The following NOL4L variants were observed in gnomAD, a reference collection of about 807,000 sequenced individuals.
NOL4L encodes nucleolar protein 4-like.
A neutral mutation model predicts 64.5 loss-of-function variants in NOL4L; 7 were observed. The observed-to-expected ratio is 0.11, with a 90% CI of 0.06 to 0.20. The LOEUF (loss-of-function observed/expected upper bound fraction) is 0.20, where lower values mean the gene tolerates loss of function less well. Among genes scored for constraint, NOL4L ranks in the 10% least tolerant of loss-of-function variants. NOL4L has a pLI of 1.00. For missense variants in NOL4L, 680 were observed against 967.1 expected (o/e 0.70, Z 3.94); for synonymous variants, 413 against 401.0 (o/e 1.03, Z -0.36).
intron 1 of NOL4L, among the ~76,000 whole-genome samples, chr20:32,546,101 C>T (rs1254432921): frequency 6.6e-6 from 1 of 151,952 alleles, no homozygotes; most frequent in East Asian, 1.9e-4. Flanking sequence ...GCAGGCACCA[C>T]CATGCCCGGC....
chr20:32,518,111 TG>T (rs1308462469), intron 3 of NOL4L, among the ~76,000 whole-genome samples: 2 of 152,172 alleles, frequency 1.3e-5, no homozygotes, highest in Non-Finnish European at 2.9e-5. Flanking sequence ...TGCCCTTCCA[TG>T]AGCCACTTCC....
chr20:32,542,984 G>T (rs530392136), intron 1 of NOL4L, among the ~76,000 whole-genome samples: 94 of 152,150 alleles, frequency 6.2e-4, no homozygotes, highest in Non-Finnish European at 1.2e-3. Flanking sequence ...GCACACAGCC[G>T]TTCTCGATAA....
At chr20:32,534,689 C>A (rs867389119) in intron 1 of NOL4L, among the ~76,000 whole-genome samples, 2 of 151,772 alleles carry the variant, frequency 1.3e-5, no homozygotes, top group South Asian at 4.2e-4. Context: ...CCACTCCCCC[C>A]ACCCCCCGCC....
chr20:32,449,139 A>G (rs970589879), intron 10 of NOL4L, among the ~76,000 whole-genome samples: 17 of 152,244 alleles, frequency 1.1e-4, no homozygotes, highest in African/African-American at 4.1e-4. Context: ...CAGCCAAAGA[A>G]GAGAGAATCT....
chr20:32,541,865 G>A (rs1025318029), intron 1 of NOL4L, among the ~76,000 whole-genome samples: 11 of 152,246 alleles, frequency 7.2e-5, no homozygotes, highest in African/African-American at 2.2e-4. Flanking sequence ...CTTTTCAATG[G>A]GGGTTTTGTC....
chr20:32,550,310 G>C (rs531099760), intron 1 of NOL4L, among the ~76,000 whole-genome samples: 1 of 152,300 alleles, frequency 6.6e-6, no homozygotes, highest in Admixed American at 6.5e-5. Flanking sequence ...GCAATGGTGC[G>C]ATCTCAGCTC....
At chr20:32,555,198 C>T (rs924087177) in intron 1 of NOL4L, among the ~76,000 whole-genome samples, 1 of 152,186 alleles carries the variant, frequency 6.6e-6, no homozygotes, top group Admixed American at 6.5e-5. Flanking sequence ...GATCTTCAGG[C>T]CTCAGCTCGA....
chr20:32,485,069 A>AAAAAC (rs2016008112), intron 4 of NOL4L, among the ~76,000 whole-genome samples: 1 of 144,690 alleles, frequency 6.9e-6, no homozygotes, highest in Non-Finnish European at 1.5e-5. Flanking sequence ...AAAAAAAAAA[A>AAAAAC]AAAAAAAAAA....
intron 4 of NOL4L, chr20:32,510,209 GAC>G (rs2017335089): frequency 8.4e-6 from 3 of 356,130 alleles, no homozygotes; most frequent in Non-Finnish European, 1.7e-5. Context: ...AGACGTGGGA[GAC>G]ACAGTTCTAG....
At chr20:32,550,620 G>A (rs773637554) in intron 1 of NOL4L, among the ~76,000 whole-genome samples, 5 of 152,154 alleles carry the variant, frequency 3.3e-5, no homozygotes, top group African/African-American at 7.2e-5. Flanking sequence ...AGTGGCTCAC[G>A]CCTATAATCC....
At chr20:32,497,705 T>C (rs967242293) in intron 4 of NOL4L, among the ~76,000 whole-genome samples, 1 of 152,220 alleles carries the variant, frequency 6.6e-6, no homozygotes, top group Non-Finnish European at 1.5e-5. Context: ...TGCTCCTTCC[T>C]GGCCCAGCCC....
chr20:32,515,742 T>C (rs2145564553), intron 3 of NOL4L, among the ~76,000 whole-genome samples: 1 of 152,226 alleles, frequency 6.6e-6, no homozygotes, highest in South Asian at 2.1e-4. Context: ...CCTCTACAAA[T>C]GACCTGATAG....
At chr20:32,514,008 C>T (rs1388407542) in intron 3 of NOL4L, among the ~76,000 whole-genome samples, 1 of 152,202 alleles carries the variant, frequency 6.6e-6, no homozygotes, top group Non-Finnish European at 1.5e-5. Flanking sequence ...AACAGCCCTG[C>T]AGAAAAGGTG....
At chr20:32,481,652 C>T (rs903603720) in intron 4 of NOL4L, among the ~76,000 whole-genome samples, 1 of 152,186 alleles carries the variant, frequency 6.6e-6, no homozygotes, top group Non-Finnish European at 1.5e-5. Context: ...GTCTTAAAAC[C>T]CTGCTCTATA....
intron 4 of NOL4L, among the ~76,000 whole-genome samples, chr20:32,479,950 C>A (rs747411504): frequency 6.6e-6 from 1 of 152,186 alleles, no homozygotes; most frequent in Non-Finnish European, 1.5e-5. Context: ...CTCTCTCCAC[C>A]CAGCTTCTGA....
chr20:32,496,675 CGAG>C (rs1316652332), intron 4 of NOL4L, among the ~76,000 whole-genome samples: 3 of 151,950 alleles, frequency 2.0e-5, no homozygotes, highest in African/African-American at 7.3e-5. Flanking sequence ...CTCAGCCTCC[CGAG>C]TAGCTGGAAC....
At chr20:32,578,089 C>A (rs147811592) in intron 1 of NOL4L, among the ~76,000 whole-genome samples, 1 of 117,262 alleles carries the variant, frequency 8.5e-6, no homozygotes, top group East Asian at 3.0e-4. Context: ...GCCAATATTG[C>A]GTCAAAAAAG....
chr20:32,526,721 T>G (rs1237948642), intron 2 of NOL4L, among the ~76,000 whole-genome samples: 1 of 152,194 alleles, frequency 6.6e-6, no homozygotes, highest in African/African-American at 2.4e-5. Context: ...CCGTCTGACC[T>G]TGGACAAGTG....
chr20:32,485,638 G>C (rs967131211), intron 4 of NOL4L: 20 of 414,114 alleles, frequency 4.8e-5, no homozygotes, highest in African/African-American at 3.7e-4. Flanking sequence ...ATGTGGGGCA[G>C]GTGGGAGGCT....
Sources: allele counts gnomAD v4.1 joint callset (sites outside exome capture counted in the v4.1 genomes callset), GRCh38; gene constraint gnomAD v4.1.1; transcripts MANE v1.5; gene names NCBI Gene and HGNC (gene_info 2026-07-23, HGNC 2026-07-21).